The following ADGRB3 variants were observed in gnomAD, a reference collection of about 807,000 sequenced individuals.
The protein encoded by ADGRB3 is adhesion G protein-coupled receptor B3, also known as brain-specific angiogenesis inhibitor 3.
Under a neutral mutation model 193.4 loss-of-function variants are expected in ADGRB3, and 37 were observed. The observed-to-expected ratio is 0.19, with a 90% CI of 0.15 to 0.25. ADGRB3 has a LOEUF of 0.25. Ranked by LOEUF, ADGRB3 falls within the 10% of genes least tolerant of loss-of-function variation. ADGRB3 has a pLI of 1.00. For synonymous variants in ADGRB3, 690 were observed against 644.2 expected, an observed-to-expected ratio of 1.07 and a Z score of -1.08; for missense variants, 1,637 against 1,852.9, an observed-to-expected ratio of 0.88 and a Z score of 2.14.
At chr6:68,826,888 G>A (rs1277832851) in intron 3 of ADGRB3, among the ~76,000 whole-genome samples, 1 of 152,166 alleles carries the variant, frequency 6.6e-6, no homozygotes, top group Non-Finnish European at 1.5e-5. Context: ...AGAGAGACTA[G>A]GATGGCCAGA....
At chr6:68,955,190 A>G (rs1359936115) in intron 6 of ADGRB3, among the ~76,000 whole-genome samples, 1 of 152,108 alleles carries the variant, frequency 6.6e-6, no homozygotes, top group Admixed American at 6.5e-5. Flanking sequence ...CCTTTATCCT[A>G]AGTATGTTCT....
chr6:68,956,325 G>C, intron 7 of ADGRB3, 137 bp downstream of exon 7: 1 of 928,610 alleles, frequency 1.1e-6, no homozygotes, highest in Non-Finnish European at 1.5e-6. Flanking sequence ...GTGTGTGTGT[G>C]TGTATACATG....
chr6:68,678,618 A>G (rs1262439941), intron 3 of ADGRB3, among the ~76,000 whole-genome samples: 1 of 152,202 alleles, frequency 6.6e-6, no homozygotes. Context: ...GAAGTAAATG[A>G]TCTGAAATTG....
intron 3 of ADGRB3, among the ~76,000 whole-genome samples, chr6:68,910,524 T>A (rs925556209): frequency 3.3e-4 from 50 of 152,188 alleles, no homozygotes; most frequent in African/African-American, 1.2e-3. Flanking sequence ...TCTTCTAGGG[T>A]TTTTATGGTT....
chr6:69,235,264 A>G, intron 19 of ADGRB3, 129 bp downstream of exon 19: 1 of 741,890 alleles, frequency 1.3e-6, no homozygotes, highest in Non-Finnish European at 2.2e-6. Flanking sequence ...CAACAGAGTT[A>G]TAATTGGTGT....
intron 13 of ADGRB3, among the ~76,000 whole-genome samples, chr6:69,025,683 A>C (rs1770412930): frequency 6.6e-6 from 1 of 152,186 alleles, no homozygotes; most frequent in Non-Finnish European, 1.5e-5. Context: ...AGGTCAGGAA[A>C]AAAAATACAA....
chr6:69,244,974 A>C (rs1485086924), intron 20 of ADGRB3, among the ~76,000 whole-genome samples: 1 of 151,910 alleles, frequency 6.6e-6, no homozygotes, highest in Non-Finnish European at 1.5e-5. Flanking sequence ...CCTCATGTCC[A>C]ATTTCCTGCT....
chr6:68,757,075 A>G lies in ADGRB3; in HGVS notation c.757+117643A>G, dbSNP rs556435829. Among the ~76,000 whole-genome samples, 25 of 152,226 alleles carry G rather than the reference A, an allele frequency of 1.6e-4. 1 individual carries two copies. In the South Asian group the frequency reaches 4.6e-3, roughly 28 times the overall value. ...CTGAAAAATTAGAAACCATTTGTTG[A>G]TAATTACTTCAACTTCCCTCCAATT... On this transcript the variant is annotated intron_variant, in intron 3 of 31. Coordinates refer to ENST00000370598, the MANE Select transcript of ADGRB3 (RefSeq NM_001704.3).
At chr6:69,367,510 C>G (rs1769597820) in intron 29 of ADGRB3, among the ~76,000 whole-genome samples, 1 of 151,952 alleles carries the variant, frequency 6.6e-6, no homozygotes, top group Admixed American at 6.6e-5. Context: ...TTCTCCACAT[C>G]CTCTCCAGCA....
chr6:68,831,935 C>T (rs774397405), intron 3 of ADGRB3, among the ~76,000 whole-genome samples: 2 of 152,082 alleles, frequency 1.3e-5, no homozygotes, highest in African/African-American at 2.4e-5. Flanking sequence ...GACAATGATC[C>T]GAGCCCAAAT....
intron 3 of ADGRB3, among the ~76,000 whole-genome samples, chr6:68,679,630 A>G (rs1421841988): frequency 6.6e-6 from 1 of 152,122 alleles, no homozygotes; most frequent in Non-Finnish European, 1.5e-5. Context: ...TGCCAGCATT[A>G]ATGAATCATT....
At chr6:68,958,954 T>C (rs571108851) in intron 8 of ADGRB3, among the ~76,000 whole-genome samples, 1 of 152,042 alleles carries the variant, frequency 6.6e-6, no homozygotes, top group African/African-American at 2.4e-5. Flanking sequence ...GTCTGGTGCA[T>C]TTATATAAAC....
rs1437760694 is a variant in ADGRB3, at chr6:69,308,500, T to A, written c.2815-16372T>A. Among the ~76,000 whole-genome samples, 369 of 150,244 alleles carry A rather than the reference T, an allele frequency of 2.5e-3. 3 individuals are homozygous for A. Among genetic ancestry groups the A allele is most frequent in the African/African-American group, 8.7e-3 (350 of 40,042 alleles). On this transcript the variant is annotated intron_variant, in intron 20 of 31. Transcript: ENST00000370598. ...TATTCCAGTTGGTTCGTACTTTGCATTTCCTAAGCACAGCATATGATAGTT... is the reference window on the plus strand; with the variant it reads ...TATTCCAGTTGGTTCGTACTTTGCAATTCCTAAGCACAGCATATGATAGTT...
Position 68,674,012 on chromosome 6 carries a change from A to T in ADGRB3, c.757+34580A>T, listed in dbSNP as rs147404058. On this transcript the variant is annotated intron_variant, in intron 3 of 31. Transcript: ENST00000370598. The stretch of plus-strand genomic sequence containing the variant: ...TTTCTTATACTATAAAATAAGGGAC[A>T]GCCTTCAAAGTCCAAAGCCAAAGTC... Among the ~76,000 whole-genome samples, 179 of 152,304 alleles carry T rather than the reference A, an allele frequency of 1.2e-3. 4 individuals are homozygous for T. The East Asian group carries it at 0.034, about 29-fold the overall frequency.
intron 29 of ADGRB3, among the ~76,000 whole-genome samples, chr6:69,367,890 C>T (rs1207482213): frequency 1.3e-5 from 2 of 150,064 alleles, no homozygotes; most frequent in Non-Finnish European, 3.0e-5. Context: ...TAAACTATCG[C>T]AAGAACAAAA....
At chr6:68,874,119 A>G (rs1765528347) in intron 3 of ADGRB3, among the ~76,000 whole-genome samples, 1 of 152,082 alleles carries the variant, frequency 6.6e-6, no homozygotes, top group Non-Finnish European at 1.5e-5. Flanking sequence ...TATTTTTCAC[A>G]CCGTATGACA....
At chr6:69,142,790 C>T (rs962771181) in intron 17 of ADGRB3, among the ~76,000 whole-genome samples, 3 of 152,154 alleles carry the variant, frequency 2.0e-5, no homozygotes, top group Non-Finnish European at 4.4e-5. Context: ...TGAGGGGTCT[C>T]TGCTGAGAGT....
chr6:69,354,908 T>G (rs1769307132), intron 27 of ADGRB3, among the ~76,000 whole-genome samples: 1 of 152,224 alleles, frequency 6.6e-6, no homozygotes, highest in South Asian at 2.1e-4. Flanking sequence ...ATAACCACTT[T>G]GATGTATTTT....
At chr6:69,079,827 C>T (rs1053218214) in intron 17 of ADGRB3, among the ~76,000 whole-genome samples, 1 of 152,062 alleles carries the variant, frequency 6.6e-6, no homozygotes, top group Non-Finnish European at 1.5e-5. Flanking sequence ...ATCTAATACT[C>T]TCAAGTCTGT....
Sources: allele counts gnomAD v4.1 joint callset (sites outside exome capture counted in the v4.1 genomes callset), GRCh38; gene constraint gnomAD v4.1.1; transcripts MANE v1.5; gene names NCBI Gene and HGNC (gene_info 2026-07-23, HGNC 2026-07-21).